Variants in WDPCP observed in about 807,000 individuals in gnomAD.
The protein encoded by WDPCP is WD repeat-containing and planar cell polarity effector protein fritz homolog.
In WDPCP, 71 loss-of-function variants were observed where a neutral mutation model predicts 93.1. That is an observed-to-expected ratio of 0.76 (90% CI 0.63 to 0.93). The LOEUF (loss-of-function observed/expected upper bound fraction) is 0.93. Among genes scored for constraint, WDPCP ranks in the 40% least tolerant of loss-of-function variants. The pLI is 0.00. For missense variants in WDPCP, 844 were observed against 887.4 expected (o/e 0.95, Z 0.62); for synonymous variants, 315 against 315.0 (o/e 1.00, Z 0.00).
At chr2:63,588,093 G>C (rs1708996558) in intron 1 of WDPCP, 104 bp downstream of exon 1, 2 of 1,352,502 alleles carry the variant, frequency 1.5e-6, no homozygotes, top group African/African-American at 1.4e-5. Flanking sequence ...CGGCGAGCTT[G>C]CAGGCATCCG....
chr2:63,831,603 C>T (rs1287668546), upstream of WDPCP, among the ~76,000 whole-genome samples: 2 of 151,722 alleles, frequency 1.3e-5, no homozygotes, highest in Admixed American at 6.6e-5. Flanking sequence ...ATTGTATCCT[C>T]GTTTTTAAAC....
chr2:63,589,398 G>A (rs1362558873), upstream of WDPCP: 2 of 1,549,210 alleles, frequency 1.3e-6, no homozygotes, highest in African/African-American at 2.7e-5. Flanking sequence ...TGCGATGGGA[G>A]GGAAAGGTTG....
At chr2:63,236,679 G>A (rs1415808512) in intron 14 of WDPCP, among the ~76,000 whole-genome samples, 1 of 151,932 alleles carries the variant, frequency 6.6e-6, no homozygotes, top group Non-Finnish European at 1.5e-5. Context: ...AAAGCTGTAC[G>A]CCTACAACCA....
intron 17 of WDPCP, among the ~76,000 whole-genome samples, chr2:63,135,562 C>A (rs1040194457): frequency 6.6e-6 from 1 of 152,132 alleles, no homozygotes; most frequent in Non-Finnish European, 1.5e-5. Flanking sequence ...GAACTCCTAA[C>A]CTCAGGTGAT....
At chr2:63,488,410 T>C (rs1035388084) in intron 2 of WDPCP, among the ~76,000 whole-genome samples, 1 of 152,084 alleles carries the variant, frequency 6.6e-6, no homozygotes, top group African/African-American at 2.4e-5. Context: ...TCTTTCAAAA[T>C]AGTCAATTGC....
At chr2:63,269,445 T>C (rs1313344759) in intron 13 of WDPCP, among the ~76,000 whole-genome samples, 1 of 152,130 alleles carries the variant, frequency 6.6e-6, no homozygotes, top group Non-Finnish European at 1.5e-5. Context: ...ACATGTAAGA[T>C]CTAAATAAAA....
intron 13 of WDPCP, among the ~76,000 whole-genome samples, chr2:63,274,678 T>A (rs1353065448): frequency 6.6e-6 from 1 of 152,124 alleles, no homozygotes; most frequent in African/African-American, 2.4e-5. Flanking sequence ...TATGAACAAC[T>A]ATACACCAAC....
In WDPCP at chr2:63,121,875, C is replaced by A. The variant is rs565322265; in HGVS notation, c.*131G>T. 6.7e-7 allele frequency: 1 copy of A among 1,487,154 alleles called. No homozygotes were observed. The allele number at this position is 1,487,154 out of a possible 1,614,324, so 92.1% of individuals were successfully genotyped here. ...CTTTATTTTGAAAACAAACACTCAA[C>A]TCAAAACTCTTAACTAATTTATATG... On this transcript the variant is annotated 3_prime_UTR_variant, in exon 18 of 18. Coordinates refer to ENST00000272321, the MANE Select transcript of WDPCP (RefSeq NM_015910.7).
chr2:63,575,489 A>ACAGTGTATGCACT lies in WDPCP; in HGVS notation c.75+12707_75+12708insAGTGCATACACTG, dbSNP rs1257278044. Among the ~76,000 whole-genome samples the ACAGTGTATGCACT allele has an allele frequency of 6.4e-4, 11 of 17,288 alleles. 4 individuals carry two copies. The highest frequency in any genetic ancestry group is 5.0e-4 in the African/African-American group (3 of 6,028). 11.3% of individuals were successfully genotyped at this position (17,288 alleles called of 152,430 possible). A position where few individuals can be genotyped will look rare whatever the true frequency, so the allele number is the denominator to read the frequency against. On this transcript the variant is annotated intron_variant, in intron 1 of 17. Coordinates refer to ENST00000272321, the MANE Select transcript of WDPCP (RefSeq NM_015910.7). ...TATGCAGTATATACAGTGTATATAT[A>ACAGTGTATGCACT]GTATATACAGTATATACACTGTATA...
chr2:63,819,438 T>A (rs190903138), intron 1 of WDPCP, among the ~76,000 whole-genome samples: 1 of 152,298 alleles, frequency 6.6e-6, no homozygotes, highest in Non-Finnish European at 1.5e-5. Flanking sequence ...GTTTCCCTAA[T>A]AGTCATAAAC....
chr2:63,766,000 A>G (rs1670132500), intron 2 of WDPCP, among the ~76,000 whole-genome samples: 1 of 152,250 alleles, frequency 6.6e-6, no homozygotes, highest in Admixed American at 6.5e-5. Flanking sequence ...CCAACCATCC[A>G]TAGCTCCAGG....
At chr2:63,222,990 A>G (rs889113704) in intron 14 of WDPCP, among the ~76,000 whole-genome samples, 1 of 152,156 alleles carries the variant, frequency 6.6e-6, no homozygotes, top group Admixed American at 6.6e-5. Context: ...ATAAAACATA[A>G]GAAAATATGG....
At chr2:63,594,545 C>T (rs3209597) in intron 3 of WDPCP, 3 of 1,613,628 alleles carry the variant, frequency 1.9e-6, no homozygotes, top group Non-Finnish European at 2.5e-6. Context: ...ATATTCACTG[C>T]TGTACAGTAT....
In WDPCP at chr2:63,404,792, T is replaced by G. The variant is rs537957045; in HGVS notation, c.826-135A>C. On this transcript the variant is annotated intron_variant, in intron 9 of 17. Transcript: ENST00000272321. ...CTTAAACATCAGCAACATACAAGTA[T>G]ATAAAGTACATATAGCACATCTATC... The G allele has an allele frequency of 2.9e-5, 29 of 1,016,768 alleles. No homozygotes were observed. The Middle Eastern group carries it at 8.5e-4, about 30-fold the overall frequency. The allele number at this position is 1,016,768 out of a possible 1,614,324, so 63.0% of individuals were successfully genotyped here.
intron 2 of WDPCP, among the ~76,000 whole-genome samples, chr2:63,722,271 C>T (rs879427206): frequency 2.8e-3 from 412 of 145,924 alleles, no homozygotes; most frequent in Non-Finnish European, 4.6e-3. Context: ...CGCCATCCCA[C>T]CTAGGAAGTG....
At chr2:63,790,907 C>T (rs1163644077) in intron 2 of WDPCP, among the ~76,000 whole-genome samples, 1 of 152,040 alleles carries the variant, frequency 6.6e-6, no homozygotes, top group African/African-American at 2.4e-5. Flanking sequence ...TTTAGTTTTC[C>T]TTTACATATA....
chr2:63,635,134 T>C (rs1470727065), intron 3 of WDPCP, among the ~76,000 whole-genome samples: 3 of 151,984 alleles, frequency 2.0e-5, no homozygotes, highest in Non-Finnish European at 2.9e-5. Context: ...AAGAAATGTA[T>C]AAATTCCTAG....
chr2:63,588,807 G>A (rs1709068069), upstream of WDPCP: 4 of 591,820 alleles, frequency 6.8e-6, no homozygotes, highest in Non-Finnish European at 9.0e-6. Context: ...AGTGAGAAGA[G>A]CTTGAAAAAA....
chr2:63,671,018 C>T (rs1211938599), intron 2 of WDPCP, among the ~76,000 whole-genome samples: 2 of 152,104 alleles, frequency 1.3e-5, no homozygotes, highest in Non-Finnish European at 2.9e-5. Flanking sequence ...GAGGGGAATC[C>T]CACTGCACAG....
Sources: gnomAD v4.1 joint callset for allele counts (sites outside exome capture counted in the v4.1 genomes callset) on GRCh38, gnomAD v4.1.1 for gene constraint, MANE v1.5 for transcripts, NCBI Gene and HGNC (gene_info 2026-07-23, HGNC 2026-07-21) for gene names.